GRIN2D: variants seen among roughly 807,000 people sequenced by gnomAD.
The protein encoded by GRIN2D is glutamate receptor ionotropic, NMDA 2D.
In GRIN2D, 37 loss-of-function variants were observed where a neutral mutation model predicts 103.2. The ratio of observed to expected loss-of-function variants is 0.36; its 90% CI spans 0.28 to 0.47. GRIN2D has a LOEUF of 0.47. GRIN2D is among the 20% of genes least tolerant of loss of function. The pLI, the probability that GRIN2D is intolerant of heterozygous loss-of-function variation, is 1.00. For synonymous variants in GRIN2D, 845 were observed against 885.6 expected, an observed-to-expected ratio of 0.95 and a Z score of 0.81; for missense variants, 1,557 against 1,910.6, an observed-to-expected ratio of 0.81 and a Z score of 3.45.
intron 11 of GRIN2D, among the ~76,000 whole-genome samples, chr19:48,439,605 C>T (rs879610669): frequency 2.0e-5 from 3 of 152,228 alleles, no homozygotes; most frequent in African/African-American, 7.2e-5. Flanking sequence ...AACTCCACAG[C>T]CCTGCCCTTC....
intron 7 of GRIN2D, among the ~76,000 whole-genome samples, 173 bp from the exon 8 acceptor site, chr19:48,415,829 C>T (rs1600979619): frequency 6.6e-6 from 1 of 152,054 alleles, no homozygotes; most frequent in East Asian, 1.9e-4. Flanking sequence ...CTCACCTCCG[C>T]CCTTCCCTGC....
chr19:48,427,455 T>G (rs1971100322), intron 11 of GRIN2D, among the ~76,000 whole-genome samples: 1 of 151,442 alleles, frequency 6.6e-6, no homozygotes. Context: ...CTTGGGATCA[T>G]TCCTATATCT....
intron 11 of GRIN2D, among the ~76,000 whole-genome samples, chr19:48,438,422 CTGAG>C (rs967054242): frequency 1.3e-5 from 2 of 150,506 alleles, no homozygotes; most frequent in African/African-American, 4.9e-5. Context: ...CCTCAGCCTC[CTGAG>C]TAACTGGGAC....
intron 2 of GRIN2D, 108 bp from the exon 3 acceptor site, chr19:48,398,259 C>T: frequency 3.0e-6 from 1 of 333,142 alleles, no homozygotes; most frequent in Non-Finnish European, 4.4e-6. Context: ...GGCGCCTGTC[C>T]CTCGCTGCAT....
At chr19:48,434,515 A>C (rs1253485131) in intron 11 of GRIN2D, among the ~76,000 whole-genome samples, 4 of 152,016 alleles carry the variant, frequency 2.6e-5, no homozygotes, top group African/African-American at 9.7e-5. Flanking sequence ...TCAGCCTCCC[A>C]AAGTGTTCTT....
At chr19:48,415,413 G>A (rs1311871908) in intron 7 of GRIN2D, among the ~76,000 whole-genome samples, 1 of 150,966 alleles carries the variant, frequency 6.6e-6, no homozygotes, top group Non-Finnish European at 1.5e-5. Flanking sequence ...CCTGGGGCAG[G>A]GGCGCGGCCA....
In GRIN2D at chr19:48,405,646, G is replaced by T. The variant is rs1438742321; in HGVS notation, c.1085+293G>T. On this transcript the variant is annotated intron_variant, in intron 4 of 13. Coordinates refer to ENST00000263269, the MANE Select transcript of GRIN2D (RefSeq NM_000836.4). This position sits in a 1 kb window ranked among gnomAD's most constrained non-coding sequence, Gnocchi z 5.1. The stretch of plus-strand genomic sequence containing the variant: ...GTCTTATAATTGATGACTTATCATG[G>T]CTTAATTGGCAGCACTTTTGTCTTT... 1.3e-5 allele frequency among the ~76,000 whole-genome samples: 2 copies of T among 152,182 alleles called. No homozygotes were observed. Among genetic ancestry groups the T allele is most frequent in the Non-Finnish European group, 2.9e-5 (2 of 68,040 alleles).
At chr19:48,419,942 G>C in intron 10 of GRIN2D, 128 bp downstream of exon 10, 1 of 551,968 alleles carries the variant, frequency 1.8e-6, no homozygotes, top group South Asian at 2.1e-5. Flanking sequence ...AGGGCGGGAA[G>C]GGGTCTCTTC....
At position 48,442,455 on chromosome 19, in the gene GRIN2D, AAGG is replaced by A; in HGVS notation, c.2673+76_2673+78del. The A allele has an allele frequency of 6.4e-7, 1 of 1,550,950 alleles. No homozygotes were observed. The highest frequency in any genetic ancestry group is 8.8e-7 in the Non-Finnish European group (1 of 1,142,224). Reference sequence around the variant, plus strand: ...GACAAAGGTAAAGCCGAGCAGAGACAAGGAGATGTGGGTCGAGATGTGGATAGT... The same window carrying A: ...GACAAAGGTAAAGCCGAGCAGAGACAAGATGTGGGTCGAGATGTGGATAGT... On this transcript the variant is annotated intron_variant, in intron 13 of 13. Coordinates refer to ENST00000263269, the MANE Select transcript of GRIN2D (RefSeq NM_000836.4). This position sits in a 1 kb window ranked among gnomAD's most constrained non-coding sequence, Gnocchi z 7.2.
At chr19:48,423,159 C>T (rs912223021) in intron 11 of GRIN2D, among the ~76,000 whole-genome samples, 1 of 151,998 alleles carries the variant, frequency 6.6e-6, no homozygotes, top group Non-Finnish European at 1.5e-5. Context: ...TGCAGTGAGC[C>T]GAGACTGTGC....
chr19:48,434,106 A>C (rs889419967), intron 11 of GRIN2D, among the ~76,000 whole-genome samples: 3 of 151,564 alleles, frequency 2.0e-5, no homozygotes, highest in African/African-American at 7.3e-5. Flanking sequence ...CCGCCACCTC[A>C]TCCAGCTAAT....
In GRIN2D at chr19:48,442,596, G is replaced by A. The variant is rs1190759945; in HGVS notation, c.2674-4G>A. 7 of 1,503,428 alleles carry A rather than the reference G, an allele frequency of 4.7e-6. No individual in the cohort carries two copies. Among genetic ancestry groups the A allele is most frequent in the Admixed American group, 2.1e-5 (1 of 46,550 alleles). The allele number at this position is 1,503,428 out of a possible 1,614,324, so 93.1% of individuals were successfully genotyped here. On this transcript the variant is annotated splice_region_variant and splice_polypyrimidine_tract_variant and intron_variant, in intron 13 of 13. Coordinates refer to ENST00000263269, the MANE Select transcript of GRIN2D (RefSeq NM_000836.4). This position sits in a 1 kb window ranked among gnomAD's most constrained non-coding sequence, Gnocchi z 7.2. ...TGACCCCCGTCCTGTCCCCGGACCC[G>A]CAGGGCATGTACAGCTGCTGCAGCG...
chr19:48,425,686 T>C (rs1419574962), intron 11 of GRIN2D, among the ~76,000 whole-genome samples: 1 of 152,066 alleles, frequency 6.6e-6, no homozygotes, highest in African/African-American at 2.4e-5. Flanking sequence ...GATACCTGTA[T>C]TTTTTTTCCC....
intron 4 of GRIN2D, among the ~76,000 whole-genome samples, chr19:48,412,423 A>AAGAAAGAG (rs372271554): frequency 2.0e-5 from 1 of 51,126 alleles, no homozygotes; most frequent in African/African-American, 1.0e-4. Context: ...AGAGAAAGAA[A>AAGAAAGAG]AGAAAGAAAG....
intron 4 of GRIN2D, among the ~76,000 whole-genome samples, chr19:48,408,206 C>T (rs1043049801): frequency 5.6e-4 from 85 of 151,242 alleles, no homozygotes; most frequent in African/African-American, 1.7e-3. Flanking sequence ...TGGTGGCGGG[C>T]GCCTGTAGTC....
chr19:48,410,212 C>G (rs923773421), intron 4 of GRIN2D, among the ~76,000 whole-genome samples: 3 of 150,588 alleles, frequency 2.0e-5, no homozygotes, highest in Non-Finnish European at 4.4e-5. Flanking sequence ...TAGTTCCAAG[C>G]AGATGAAGGC....
chr19:48,405,307 G>A lies in GRIN2D; in HGVS notation c.1039G>A (p.Asp347Asn), dbSNP rs1241676542. The A allele has an allele frequency of 4.4e-6, 7 of 1,601,770 alleles. No individual in the cohort carries two copies. Among genetic ancestry groups the A allele is most frequent in the Non-Finnish European group, 5.9e-6 (7 of 1,177,318 alleles). The change falls in exon 4 of 14, where the codon GAC becomes AAC. Residue 347 changes from aspartate to asparagine, a missense_variant. This residue lies in a region of GRIN2D where 490 missense variants were observed against 601.1 expected (regional missense o/e 0.82). Transcript: ENST00000263269. The surrounding 1 kb of genome is among the most constrained non-coding windows in gnomAD (Gnocchi z 5.1). ...TGGTTTCCTTCCTGAGCTCGGCCAC[G>A]ACTGTCGCGCCCAGAACCGCACCCA... ...DYGFLPELGH[D>N]CRAQNRTHRG...
At chr19:48,430,172 C>A (rs1971137973) in intron 11 of GRIN2D, among the ~76,000 whole-genome samples, 1 of 152,114 alleles carries the variant, frequency 6.6e-6, no homozygotes, top group East Asian at 1.9e-4. Context: ...ACCGTGATTA[C>A]TTTCCTCTCC....
intron 3 of GRIN2D, among the ~76,000 whole-genome samples, chr19:48,402,681 C>G (rs1419403150): frequency 3.6e-4 from 45 of 124,256 alleles, no homozygotes; most frequent in African/African-American, 1.2e-3. Context: ...TGCGCCACTG[C>G]GGTCCGCAGT....
Sources: allele counts gnomAD v4.1 joint callset (sites outside exome capture counted in the v4.1 genomes callset), GRCh38; gene constraint gnomAD v4.1.1; regional missense constraint gnomAD v4.1.1; non-coding constraint Gnocchi (gnomAD v3.1); transcripts MANE v1.5; gene names NCBI Gene and HGNC (gene_info 2026-07-23, HGNC 2026-07-21).